The following DGKI variants were observed in gnomAD, a reference collection of about 807,000 sequenced individuals.
The protein encoded by DGKI is DAG kinase iota.
DGKI carries 55 observed loss-of-function variants against 147.5 expected under a neutral mutation model. The observed-to-expected ratio is 0.37, with a 90% CI of 0.30 to 0.47. The LOEUF is 0.47. Ranked by LOEUF, DGKI falls within the 20% of genes least tolerant of loss-of-function variation. The probability of loss-of-function intolerance (pLI) is 1.00; values close to 1 mark genes in which losing one functional copy is unlikely to be tolerated. For missense variants in DGKI, 1,007 were observed against 1,323.8 expected, an observed-to-expected ratio of 0.76 and a Z score of 3.71; for synonymous variants, 469 against 477.1, an observed-to-expected ratio of 0.98 and a Z score of 0.22.
chr7:137,604,136 G>A (rs1820090479), intron 10 of DGKI, among the ~76,000 whole-genome samples: 1 of 152,144 alleles, frequency 6.6e-6, no homozygotes. Context: ...TCATCATTTG[G>A]TTGTTTTAAT....
At chr7:137,772,432 G>C (rs2116854541) in intron 1 of DGKI, among the ~76,000 whole-genome samples, 1 of 152,218 alleles carries the variant, frequency 6.6e-6, no homozygotes, top group Non-Finnish European at 1.5e-5. Context: ...GCACTCAAGA[G>C]ATTGCACTTA....
intron 21 of DGKI, among the ~76,000 whole-genome samples, chr7:137,520,971 C>T (rs28431025): frequency 0.028 from 4,250 of 152,142 alleles, 89 homozygotes; most frequent in South Asian, 0.072. Context: ...GGACTGGGTT[C>T]GTAAGTCTTT....
chr7:137,633,193 C>T (rs952106827), intron 6 of DGKI, among the ~76,000 whole-genome samples: 3 of 111,340 alleles, frequency 2.7e-5, no homozygotes, highest in African/African-American at 1.0e-4. Flanking sequence ...GCCTGGGCAA[C>T]AAGAGCGAAA....
Position 137,569,480 on chromosome 7 carries a change from G to A in DGKI, c.1947+1695C>T, listed in dbSNP as rs147423269. On this transcript the variant is annotated intron_variant, in intron 19 of 32. Transcript: ENST00000614521. ...GCGGTGGCTCACGCCTGTAATCCCA[G>A]CACTTTGGGAGGCTGAGGTGGGTGG... Among the ~76,000 whole-genome samples, 94 of 152,024 alleles carry A rather than the reference G, an allele frequency of 6.2e-4. 1 individual carries two copies. The East Asian group carries it at 0.016, about 27-fold the overall frequency.
intron 1 of DGKI, among the ~76,000 whole-genome samples, chr7:137,741,647 C>G (rs1289221303): frequency 6.6e-6 from 1 of 152,202 alleles, no homozygotes; most frequent in Non-Finnish European, 1.5e-5. Flanking sequence ...TGCACAGAAA[C>G]CAGCTCGCCA....
chr7:137,724,664 C>G (rs1406312415), intron 1 of DGKI, among the ~76,000 whole-genome samples: 1 of 152,152 alleles, frequency 6.6e-6, no homozygotes, highest in African/African-American at 2.4e-5. Flanking sequence ...GGGACATTGA[C>G]AGAGGACCAA....
intron 1 of DGKI, among the ~76,000 whole-genome samples, chr7:137,833,278 AG>A (rs1357259145): frequency 1.3e-5 from 2 of 152,170 alleles, no homozygotes; most frequent in African/African-American, 4.8e-5. Context: ...GGCAATTTAC[AG>A]AAGAGGTTTA....
At chr7:137,450,286 T>C (rs534826303) in intron 27 of DGKI, among the ~76,000 whole-genome samples, 1 of 152,244 alleles carries the variant, frequency 6.6e-6, no homozygotes, top group Non-Finnish European at 1.5e-5. Flanking sequence ...AGATGCTAAG[T>C]GCTCTCACAA....
intron 21 of DGKI, among the ~76,000 whole-genome samples, chr7:137,488,085 G>A (rs766589685): frequency 7.9e-5 from 12 of 152,162 alleles, no homozygotes; most frequent in Non-Finnish European, 1.2e-4. Context: ...TAGACAACAT[G>A]AGGATGCAGT....
chr7:137,495,521 AAAAAAAAT>A (rs1815933801), intron 21 of DGKI, among the ~76,000 whole-genome samples: 1 of 150,992 alleles, frequency 6.6e-6, no homozygotes, highest in African/African-American at 2.4e-5. Flanking sequence ...AAAAAAAAAA[AAAAAAAAT>A]CCTTCTTTAA....
At chr7:137,642,203 A>G (rs549749662) in intron 6 of DGKI, among the ~76,000 whole-genome samples, 1 of 152,318 alleles carries the variant, frequency 6.6e-6, no homozygotes, top group African/African-American at 2.4e-5. Flanking sequence ...TATGGATTGC[A>G]TCAAACAATC....
chr7:137,500,742 T>A (rs763693620), intron 21 of DGKI, among the ~76,000 whole-genome samples: 1 of 152,126 alleles, frequency 6.6e-6, no homozygotes, highest in Non-Finnish European at 1.5e-5. Context: ...AATTTTTTAT[T>A]GATACATAAT....
intron 5 of DGKI, among the ~76,000 whole-genome samples, chr7:137,652,890 A>G (rs1481489850): frequency 6.6e-6 from 1 of 152,156 alleles, no homozygotes; most frequent in African/African-American, 2.4e-5. Flanking sequence ...AGCTTTCATT[A>G]CTGTGTAAAT....
At chr7:137,741,614 A>G (rs942428888) in intron 1 of DGKI, among the ~76,000 whole-genome samples, 10 of 152,200 alleles carry the variant, frequency 6.6e-5, no homozygotes, top group Non-Finnish European at 4.4e-5. Context: ...CGATAAGATG[A>G]AACAAACCAC....
intron 3 of DGKI, among the ~76,000 whole-genome samples, chr7:137,672,618 G>T (rs755256582): frequency 5.3e-5 from 8 of 152,072 alleles, no homozygotes; most frequent in Non-Finnish European, 7.3e-5. Context: ...CCTTTTGAAG[G>T]CTTGGAGGGA....
intron 12 of DGKI, among the ~76,000 whole-genome samples, chr7:137,590,540 AAAG>A (rs1450837475): frequency 1.3e-5 from 2 of 152,268 alleles, no homozygotes; most frequent in Admixed American, 6.5e-5. Context: ...ATGAGCTTGC[AAAG>A]AAGAAACAAT....
chr7:137,645,041 G>C (rs555870875), intron 6 of DGKI, among the ~76,000 whole-genome samples: 4 of 152,260 alleles, frequency 2.6e-5, no homozygotes, highest in African/African-American at 7.2e-5. Context: ...TGTCCCAAGG[G>C]AGCAACACAT....
At chr7:137,665,457 C>T (rs1367520484) in intron 3 of DGKI, among the ~76,000 whole-genome samples, 2 of 152,178 alleles carry the variant, frequency 1.3e-5, no homozygotes, top group Non-Finnish European at 2.9e-5. Flanking sequence ...GACAGCATAC[C>T]TGACAGTCTC....
At chr7:137,473,268 A>G (rs1815047936) in intron 23 of DGKI, among the ~76,000 whole-genome samples, 1 of 152,168 alleles carries the variant, frequency 6.6e-6, no homozygotes, top group East Asian at 1.9e-4. Context: ...ATATAACTCA[A>G]TGTTCTTAAA....
Sources: allele counts gnomAD v4.1 joint callset (sites outside exome capture counted in the v4.1 genomes callset), GRCh38; gene constraint gnomAD v4.1.1; transcripts MANE v1.5; gene names NCBI Gene and HGNC (gene_info 2026-07-23, HGNC 2026-07-21).